Variants in ZNF674 observed in about 807,000 individuals in gnomAD.
ZNF674 encodes zinc finger family member 674.
Under a neutral mutation model 7.0 loss-of-function variants are expected in ZNF674, and 2 were observed. The observed-to-expected ratio is 0.29, with a 90% confidence interval of 0.12 to 0.90. The LOEUF is 0.90. Among genes scored for constraint, ZNF674 ranks in the 40% least tolerant of loss-of-function variants. ZNF674 has a pLI of 0.57. For missense variants in ZNF674, 297 were observed against 415.5 expected, an observed-to-expected ratio of 0.71 and a Z score of 2.48; for synonymous variants, 103 against 145.2, an observed-to-expected ratio of 0.71 and a Z score of 2.09.
At chrX:46,541,794 G>A (rs1942299878) in intron 3 of ZNF674, among the ~76,000 whole-genome samples, 1 of 111,583 alleles carries the variant, frequency 9.0e-6, no homozygotes, top group South Asian at 3.7e-4. Flanking sequence ...TGAAGAAAGA[G>A]GAAAAAGCAA....
At chrX:46,539,161 G>A (rs760589829) in intron 3 of ZNF674, among the ~76,000 whole-genome samples, 14 of 111,791 alleles carry the variant, frequency 1.3e-4, no homozygotes, top group African/African-American at 4.2e-4. Context: ...CTGTAGCCTG[G>A]GTGACAGACT....
rs1366792888 is a variant in ZNF674 at position 46,528,459 on chromosome X, A to G, written c.143-14T>C. On this transcript the variant is annotated splice_polypyrimidine_tract_variant and intron_variant, in intron 4 of 5. Coordinates refer to ENST00000683375, the MANE Select transcript of ZNF674 (RefSeq NM_001190417.2). Reference sequence around the variant, plus strand: ...CAACTAGATGCCCTGTTTAGGGGACATGACATAGGACTTTGTTATTAATGC... The same window carrying G: ...CAACTAGATGCCCTGTTTAGGGGACGTGACATAGGACTTTGTTATTAATGC... 8 of 1,196,382 alleles carry G rather than the reference A, an allele frequency of 6.7e-6. No individual in the cohort carries two copies. The highest frequency in any genetic ancestry group is 9.1e-6 in the Non-Finnish European group (8 of 881,495).
chrX:46,511,016 A>G (rs1362128798), intron 5 of ZNF674, among the ~76,000 whole-genome samples: 1 of 111,879 alleles, frequency 8.9e-6, no homozygotes, highest in East Asian at 2.8e-4. Flanking sequence ...TCAACTATTT[A>G]ATATGTGCAA....
intron 5 of ZNF674, among the ~76,000 whole-genome samples, chrX:46,512,906 G>C (rs1941687463): frequency 9.0e-6 from 1 of 111,522 alleles, no homozygotes; most frequent in African/African-American, 3.3e-5. Flanking sequence ...TTGAAATCTA[G>C]AATATACAAA....
intron 3 of ZNF674, among the ~76,000 whole-genome samples, chrX:46,535,144 AT>A (rs892505872): frequency 7.3e-5 from 8 of 109,308 alleles, no homozygotes; most frequent in African/African-American, 2.7e-4. Context: ...AGCAGAATGA[AT>A]TTTTTTTCTT....
intron 5 of ZNF674, chrX:46,517,934 AT>A (rs1283747979): frequency 9.0e-6 from 1 of 110,959 alleles, no homozygotes; most frequent in Non-Finnish European, 1.9e-5. Context: ...ATTATTACAC[AT>A]CATATGCCTG....
chrX:46,537,163 C>T (rs901167268), intron 3 of ZNF674, among the ~76,000 whole-genome samples: 3 of 110,755 alleles, frequency 2.7e-5, no homozygotes, highest in Admixed American at 1.9e-4. Flanking sequence ...CCCAGCTACT[C>T]AGGAGGCTGA....
chrX:46,526,991 G>GCACAGTGGCT (rs1202699956), intron 5 of ZNF674, among the ~76,000 whole-genome samples: 24 of 112,167 alleles, frequency 2.1e-4, no homozygotes, highest in African/African-American at 7.1e-4. Context: ...AACCTGCTGG[G>GCACAGTGGCT]CACAGTGGCT....
At chrX:46,533,830 AT>A (rs1275890203) in intron 3 of ZNF674, among the ~76,000 whole-genome samples, 8,270 of 52,137 alleles carry the variant, frequency 0.16, 717 homozygotes, top group East Asian at 0.19. Context: ...AAAAAAAAAA[AT>A]ATATATATAT....
At chrX:46,508,577 T>C in intron 5 of ZNF674, among the ~76,000 whole-genome samples, 1 of 111,096 alleles carries the variant, frequency 9.0e-6, no homozygotes, top group African/African-American at 3.3e-5. Context: ...TTCACGATAT[T>C]GATTCTTCCT....
chrX:46,500,048 T>C lies in ZNF674; in HGVS notation c.1526A>G (p.Lys509Arg). The change falls in exon 6 of 6, where the codon AAA (lysine) becomes AGA (arginine). Residue 509 changes from lysine (K) to arginine (R), a missense_variant. Lys to Arg is a conservative substitution (Grantham distance 26, BLOSUM62 2). Transcript: ENST00000683375. ...KAFSRKSTLI[K>R]HQRIHTGEKP... The stretch of plus-strand genomic sequence containing the variant: ...TTCTCCTGTATGAATTCTCTGATGT[T>C]TGATGAGAGTTGACTTCCTACTGAA... 8.3e-7 allele frequency: 1 copy of C among 1,210,836 alleles called. No individual in the cohort carries two copies. The highest frequency in any genetic ancestry group is 1.1e-6 in the Non-Finnish European group (1 of 894,939).
chrX:46,535,703 A>G (rs956731676), intron 3 of ZNF674, among the ~76,000 whole-genome samples: 2 of 112,066 alleles, frequency 1.8e-5, no homozygotes, highest in African/African-American at 6.5e-5. Flanking sequence ...GTTATAAACT[A>G]TTTACAGCAT....
Position 46,498,506 on chromosome X carries a change from G to A in ZNF674, c.*1337C>T, listed in dbSNP as rs756515839. The A allele has an allele frequency of 4.5e-5, 5 of 110,640 alleles. No homozygotes were observed. The highest frequency in any genetic ancestry group is 1.6e-4 in the African/African-American group (5 of 30,534). 9.1% of individuals were successfully genotyped at this position (110,640 alleles called of 1,213,427 possible). A position where few individuals can be genotyped will look rare whatever the true frequency, so the allele number is the denominator to read the frequency against. ...ACTCATCCTCTCTTACCCTATTTCA[G>A]GAAGCATTTTTTCTATTTGTTTAGG... On this transcript the variant is annotated 3_prime_UTR_variant, in exon 6 of 6. Transcript: ENST00000683375.
At chrX:46,512,373 G>T (rs1941674747) in intron 5 of ZNF674, among the ~76,000 whole-genome samples, 1 of 110,898 alleles carries the variant, frequency 9.0e-6, no homozygotes, top group African/African-American at 3.3e-5. Context: ...ATTCCAGGCA[G>T]GTTTTAAGAA....
chrX:46,530,606 T>C (rs1208902675), intron 3 of ZNF674, among the ~76,000 whole-genome samples: 1 of 112,126 alleles, frequency 8.9e-6, no homozygotes, highest in Non-Finnish European at 1.9e-5. Flanking sequence ...GTCAATTTTA[T>C]CTGGAGTAAT....
chrX:46,510,730 G>A (rs1173407224), intron 5 of ZNF674, among the ~76,000 whole-genome samples: 1 of 112,581 alleles, frequency 8.9e-6, no homozygotes, highest in East Asian at 2.8e-4. Context: ...GGCGGAGGTT[G>A]CAGTGAGCCG....
intron 3 of ZNF674, among the ~76,000 whole-genome samples, chrX:46,532,343 C>T (rs915854777): frequency 9.0e-6 from 1 of 111,717 alleles, no homozygotes; most frequent in African/African-American, 3.2e-5. Context: ...CACTTTGAAA[C>T]TGGTCATGTC....
intron 5 of ZNF674, among the ~76,000 whole-genome samples, chrX:46,520,345 G>A (rs1266962912): frequency 9.0e-6 from 1 of 111,290 alleles, no homozygotes; most frequent in Non-Finnish European, 1.9e-5. Context: ...GTTGCAGTGA[G>A]ACCAGATCGC....
At chrX:46,523,513 T>C (rs986161757) in intron 5 of ZNF674, 3 of 110,030 alleles carry the variant, frequency 2.7e-5, no homozygotes, top group African/African-American at 1.0e-4. Flanking sequence ...GTATTTTTAG[T>C]AGAGACAGGG....
Sources: allele counts gnomAD v4.1 joint callset (sites outside exome capture counted in the v4.1 genomes callset), GRCh38; gene constraint gnomAD v4.1.1; transcripts MANE v1.5; gene names NCBI Gene and HGNC (gene_info 2026-07-23, HGNC 2026-07-21).